Variants in CSMD1 observed in about 807,000 individuals in gnomAD.
CSMD1 encodes CUB and sushi domain-containing protein 1.
In CSMD1, 213 loss-of-function variants were observed where a neutral mutation model predicts 417.5. The ratio of observed to expected loss-of-function variants is 0.51; its 90% CI spans 0.46 to 0.57. The LOEUF (loss-of-function observed/expected upper bound fraction) is 0.57. Ranked by LOEUF, CSMD1 falls within the 20% of genes least tolerant of loss-of-function variation. The pLI is 0.00. For missense variants in CSMD1, 6,923 were observed against 4,529.7 expected, an observed-to-expected ratio of 1.53 and a Z score of -15.17; for synonymous variants, 2,862 against 1,736.8, an observed-to-expected ratio of 1.65 and a Z score of -16.11.
intron 52 of CSMD1, among the ~76,000 whole-genome samples, chr8:3,011,328 G>T (rs1212702472): frequency 6.6e-6 from 1 of 152,120 alleles, no homozygotes. Flanking sequence ...GCAAAGATGG[G>T]GGTGGGGCAG....
At chr8:3,199,939 G>T (rs879086770) in intron 32 of CSMD1, 130 bp from the exon 33 acceptor site, 5 of 587,414 alleles carry the variant, frequency 8.5e-6, no homozygotes, top group East Asian at 2.9e-5. Flanking sequence ...TTCACTTTAT[G>T]GTTTAAAACT....
chr8:4,203,824 G>C lies in CSMD1; in HGVS notation c.416-171725C>G, dbSNP rs374914701. Among the ~76,000 whole-genome samples the C allele has an allele frequency of 6.6e-5, 10 of 152,158 alleles. No individual in the cohort carries two copies. In the East Asian group the frequency reaches 1.2e-3, roughly 18 times the overall value. ...TGGATTAAAACTAAAACTTGGTCAG[G>C]AGTCATGGCTCATACCTGTAATCCC... is the stretch of plus-strand genomic sequence containing the variant. On this transcript the variant is annotated intron_variant, in intron 3 of 69. Transcript: ENST00000635120.
chr8:3,090,316 CAAAAAAAAAAAAAA>C (rs35534326), intron 48 of CSMD1, among the ~76,000 whole-genome samples: 29 of 79,814 alleles, frequency 3.6e-4, no homozygotes, highest in African/African-American at 1.2e-3. Context: ...GACTGTATTT[CAAAAAAAAAAAAAA>C]AAAAAAAAAA....
chr8:4,211,832 T>C (rs904926917), intron 3 of CSMD1, among the ~76,000 whole-genome samples: 66 of 152,226 alleles, frequency 4.3e-4, no homozygotes, highest in Admixed American at 3.4e-3. Context: ...TCAGTAGGAG[T>C]CTTTGAGGGT....
chr8:3,548,700 A>ACACC (rs1161842585), intron 10 of CSMD1, among the ~76,000 whole-genome samples: 10 of 142,344 alleles, frequency 7.0e-5, no homozygotes, highest in African/African-American at 1.5e-4. Context: ...ACACACACAC[A>ACACC]CCATGGTTTC....
intron 10 of CSMD1, among the ~76,000 whole-genome samples, chr8:3,504,274 C>A (rs1458268619): frequency 6.6e-6 from 1 of 151,914 alleles, no homozygotes; most frequent in African/African-American, 2.4e-5. Context: ...TTTAAGTGAA[C>A]AAGTACAATC....
chr8:4,538,931 G>A (rs192089848), intron 2 of CSMD1, among the ~76,000 whole-genome samples: 2 of 152,268 alleles, frequency 1.3e-5, no homozygotes, highest in African/African-American at 4.8e-5. Context: ...CATATTGAAT[G>A]CAGAAAGCTT....
At chr8:4,586,790 G>T (rs764202534) in intron 2 of CSMD1, among the ~76,000 whole-genome samples, 1 of 152,198 alleles carries the variant, frequency 6.6e-6, no homozygotes, top group East Asian at 1.9e-4. Context: ...CCTCCAGGAT[G>T]ATACTGGGCT....
At chr8:4,102,264 C>CT (rs1222743172) in intron 3 of CSMD1, among the ~76,000 whole-genome samples, 3 of 152,100 alleles carry the variant, frequency 2.0e-5, no homozygotes, top group African/African-American at 7.2e-5. Flanking sequence ...ATATGCTATA[C>CT]TTTACACATT....
chr8:4,642,671 T>C (rs1803270844), intron 1 of CSMD1, among the ~76,000 whole-genome samples: 1 of 152,192 alleles, frequency 6.6e-6, no homozygotes, highest in Non-Finnish European at 1.5e-5. Context: ...GTGCCAAATA[T>C]GTTCTACTAC....
chr8:4,153,373 A>G (rs1200180239), intron 3 of CSMD1, among the ~76,000 whole-genome samples: 1 of 152,194 alleles, frequency 6.6e-6, no homozygotes, highest in African/African-American at 2.4e-5. Flanking sequence ...TCTGGAAGCA[A>G]CAGTGTAATA....
rs1474815603 is a variant in CSMD1 at position 3,190,075 on chromosome 8, G to A, written c.5235C>T (p.Pro1745=). Reference sequence around the variant, plus strand: ...CAATTCTCCTTCCGTATCTGGGCTCGGGGACAGAGCTGCATTGGGTGTCAC... The same window carrying A: ...CAATTCTCCTTCCGTATCTGGGCTCAGGGACAGAGCTGCATTGGGTGTCAC... ...RTSDTQCSSV[P]EPRYGRRIGS... The change falls in exon 34 of 70, where the codon CCC becomes CCT. Residue 1745 remains proline, a synonymous_variant. Coordinates refer to ENST00000635120, the MANE Select transcript of CSMD1 (RefSeq NM_033225.6). The A allele has an allele frequency of 4.4e-6, 7 of 1,595,238 alleles. No individual in the cohort carries two copies. The highest frequency in any genetic ancestry group is 1.3e-5 in the African/African-American group (1 of 74,684).
At chr8:3,723,993 T>C (rs1280972469) in intron 6 of CSMD1, among the ~76,000 whole-genome samples, 1 of 113,628 alleles carries the variant, frequency 8.8e-6, no homozygotes, top group Non-Finnish European at 2.4e-5. Context: ...ATGTCCACTA[T>C]TATCTAAGAG....
intron 38 of CSMD1, among the ~76,000 whole-genome samples, chr8:3,159,416 C>T (rs1033029492): frequency 7.2e-5 from 11 of 152,178 alleles, no homozygotes; most frequent in Admixed American, 6.5e-4. Flanking sequence ...AGATGGAAGT[C>T]ATACATCATT....
chr8:4,955,459 T>C (rs1262119444), intron 1 of CSMD1, among the ~76,000 whole-genome samples: 2 of 149,730 alleles, frequency 1.3e-5, no homozygotes, highest in African/African-American at 5.0e-5. Context: ...CACCTCTCTT[T>C]TTTTTTTTTA....
chr8:4,184,171 G>A lies in CSMD1; in HGVS notation c.416-152072C>T, dbSNP rs376665106. 1.0e-3 allele frequency among the ~76,000 whole-genome samples: 157 copies of A among 152,202 alleles called. 7 individuals are homozygous for A. The South Asian group carries it at 0.031, about 30-fold the overall frequency. On this transcript the variant is annotated intron_variant, in intron 3 of 69. Transcript: ENST00000635120. ...GCATAACTATGAAAGAAAAAGCAATGGAAATGTTATATTAAATCTGTGTCA... is the reference window on the plus strand; with the variant it reads ...GCATAACTATGAAAGAAAAAGCAATAGAAATGTTATATTAAATCTGTGTCA...
At chr8:3,496,557 G>A (rs971137135) in intron 10 of CSMD1, among the ~76,000 whole-genome samples, 2 of 152,142 alleles carry the variant, frequency 1.3e-5, no homozygotes, top group Non-Finnish European at 2.9e-5. Flanking sequence ...TTGGTATGTT[G>A]TATTTCTATT....
chr8:4,446,898 G>T (rs66769827), intron 2 of CSMD1, among the ~76,000 whole-genome samples: 2 of 151,192 alleles, frequency 1.3e-5, no homozygotes, highest in East Asian at 1.9e-4. Context: ...TGGGATTACA[G>T]GCGTGAGCCA....
intron 3 of CSMD1, among the ~76,000 whole-genome samples, chr8:4,308,555 A>C (rs1798382273): frequency 6.6e-6 from 1 of 152,210 alleles, no homozygotes; most frequent in Non-Finnish European, 1.5e-5. Flanking sequence ...GTTGTCTTCG[A>C]TATATCTTCC....
Sources: gnomAD v4.1 joint callset for allele counts (sites outside exome capture counted in the v4.1 genomes callset) on GRCh38, gnomAD v4.1.1 for gene constraint, MANE v1.5 for transcripts, NCBI Gene and HGNC (gene_info 2026-07-23, HGNC 2026-07-21) for gene names.